RALA: variants seen among roughly 807,000 people sequenced by gnomAD.
RALA encodes ras-related protein Ral-A.
RALA carries 5 observed loss-of-function variants against 24.0 expected under a neutral mutation model. The observed-to-expected ratio is 0.21, with a 90% CI of 0.11 to 0.44. The LOEUF (loss-of-function observed/expected upper bound fraction) is 0.44, where lower values mean the gene tolerates loss of function less well. Among genes scored for constraint, RALA ranks in the 20% least tolerant of loss-of-function variants. RALA has a pLI of 0.99. For synonymous variants in RALA, 77 were observed against 83.8 expected (o/e 0.92, Z 0.44); for missense variants, 95 against 241.2 (o/e 0.39, Z 4.01).
chr7:39,704,177 AAG>A (rs976342794), intron 4 of RALA, among the ~76,000 whole-genome samples: 3 of 150,052 alleles, frequency 2.0e-5, no homozygotes, highest in African/African-American at 5.0e-5. Flanking sequence ...AAAAAAAAAA[AAG>A]AAGTTTAAGA....
intron 1 of RALA, among the ~76,000 whole-genome samples, chr7:39,663,856 A>T (rs1415031310): frequency 6.6e-6 from 1 of 152,208 alleles, no homozygotes; most frequent in Non-Finnish European, 1.5e-5. Flanking sequence ...AAGCAGTGTC[A>T]TTATATGACA....
chr7:39,706,304 T>A lies in RALA; in HGVS notation c.*59T>A. The A allele has an allele frequency of 6.6e-7, 1 of 1,518,236 alleles. No individual in the cohort carries two copies. Among genetic ancestry groups the A allele is most frequent in the Non-Finnish European group, 8.8e-7 (1 of 1,130,080 alleles). 94.0% of individuals were successfully genotyped at this position (1,518,236 alleles called of 1,614,324 possible). ...ACTAATAAATATAATTTATAAGCAT[T>A]GCCATTGAAGGCTTAATTGACTGAA... On this transcript the variant is annotated 3_prime_UTR_variant, in exon 5 of 5. Transcript: ENST00000005257.
intron 1 of RALA, among the ~76,000 whole-genome samples, chr7:39,674,047 AAATAAATAAATAAAT>A (rs761622628): frequency 3.2e-4 from 47 of 147,372 alleles, no homozygotes; most frequent in African/African-American, 6.7e-4. Context: ...CACTGTAAAT[AAATAAATAAATAAAT>A]AAATAAATAA....
intron 1 of RALA, among the ~76,000 whole-genome samples, chr7:39,686,159 T>A (rs1792700903): frequency 1.4e-5 from 2 of 139,144 alleles, no homozygotes; most frequent in African/African-American, 2.7e-5. Context: ...TAAGCCGAGA[T>A]CACGCCACTG....
At chr7:39,679,879 T>C (rs920871681) in intron 1 of RALA, among the ~76,000 whole-genome samples, 1 of 151,990 alleles carries the variant, frequency 6.6e-6, no homozygotes, top group Non-Finnish European at 1.5e-5. Flanking sequence ...CCTGGCTAAT[T>C]TTTATATTTT....
At chr7:39,664,070 A>G (rs1230795753) in intron 1 of RALA, among the ~76,000 whole-genome samples, 2 of 152,234 alleles carry the variant, frequency 1.3e-5, no homozygotes, top group Non-Finnish European at 2.9e-5. Flanking sequence ...GCTTGAACAG[A>G]TTTTTAATGC....
chr7:39,658,648 G>T (rs7807233), intron 1 of RALA, among the ~76,000 whole-genome samples: 15,480 of 152,058 alleles, frequency 0.1, 1,046 homozygotes, highest in Non-Finnish European at 0.15. Flanking sequence ...TTCATGGATG[G>T]TTCCAGAGTA....
chr7:39,702,789 T>C (rs902320001), intron 4 of RALA, among the ~76,000 whole-genome samples: 1 of 152,222 alleles, frequency 6.6e-6, no homozygotes, highest in African/African-American at 2.4e-5. Context: ...CTCATTCATA[T>C]GTAAAAGCTT....
At chr7:39,631,286 G>GCGTGAGCC (rs1791594596) in intron 1 of RALA, among the ~76,000 whole-genome samples, 1 of 152,182 alleles carries the variant, frequency 6.6e-6, no homozygotes. Flanking sequence ...GGGATTACAG[G>GCGTGAGCC]CGTGAGCCAT....
intron 1 of RALA, among the ~76,000 whole-genome samples, chr7:39,625,505 A>G (rs1471443195): frequency 1.3e-5 from 2 of 152,214 alleles, no homozygotes; most frequent in Non-Finnish European, 2.9e-5. Context: ...CAGAATGCTT[A>G]TAGTGGTTCA....
chr7:39,632,403 T>A (rs1394189944), intron 1 of RALA, among the ~76,000 whole-genome samples: 1 of 152,266 alleles, frequency 6.6e-6, no homozygotes, highest in Non-Finnish European at 1.5e-5. Context: ...TACTGATTGC[T>A]TCATTGTATT....
intron 2 of RALA, among the ~76,000 whole-genome samples, chr7:39,689,071 A>G (rs750829987): frequency 5.9e-5 from 9 of 152,140 alleles, no homozygotes; most frequent in Non-Finnish European, 1.2e-4. Context: ...GCATGAGGGA[A>G]ATCTGCCCCC....
At chr7:39,664,054 A>T (rs1292509008) in intron 1 of RALA, among the ~76,000 whole-genome samples, 1 of 152,238 alleles carries the variant, frequency 6.6e-6, no homozygotes, top group Non-Finnish European at 1.5e-5. Context: ...AGGAGAAAGG[A>T]TATCTGCTTG....
intron 1 of RALA, among the ~76,000 whole-genome samples, chr7:39,665,417 G>A (rs1232409778): frequency 6.6e-6 from 1 of 152,086 alleles, no homozygotes; most frequent in Non-Finnish European, 1.5e-5. Context: ...TATTGGTAAG[G>A]CTTCCAGTCA....
At chr7:39,675,754 A>C (rs1418508413) in intron 1 of RALA, among the ~76,000 whole-genome samples, 1 of 151,756 alleles carries the variant, frequency 6.6e-6, no homozygotes, top group South Asian at 2.1e-4. Context: ...AAAAAAAAAA[A>C]AAAAAAACTG....
chr7:39,630,190 C>T (rs1299411910), intron 1 of RALA, among the ~76,000 whole-genome samples: 1 of 150,150 alleles, frequency 6.7e-6, no homozygotes, highest in Non-Finnish European at 1.5e-5. Flanking sequence ...ATTATAGGTG[C>T]ATGCCACCAT....
At chr7:39,680,400 A>AAAAAC (rs553916255) in intron 1 of RALA, among the ~76,000 whole-genome samples, 67,074 of 146,526 alleles carry the variant, frequency 0.46, 15,845 homozygotes, top group African/African-American at 0.53. Flanking sequence ...AACAAAAAAA[A>AAAAAC]CACAAATATA....
chr7:39,680,443 G>A (rs112366325), intron 1 of RALA, among the ~76,000 whole-genome samples: 43 of 151,260 alleles, frequency 2.8e-4, no homozygotes, highest in African/African-American at 1.0e-3. Context: ...GAGCATGGTG[G>A]TTCATGCCTG....
intron 4 of RALA, among the ~76,000 whole-genome samples, chr7:39,699,828 A>G (rs1792991485): frequency 6.6e-6 from 1 of 152,194 alleles, no homozygotes; most frequent in African/African-American, 2.4e-5. Context: ...ACCCTTGTGA[A>G]CTTTTTGCCA....
Sources: allele counts gnomAD v4.1 joint callset (sites outside exome capture counted in the v4.1 genomes callset), GRCh38; gene constraint gnomAD v4.1.1; transcripts MANE v1.5; gene names NCBI Gene and HGNC (gene_info 2026-07-23, HGNC 2026-07-21).